Variants in AKR1C8 observed in about 807,000 individuals in gnomAD.
AKR1C8 encodes the protein aldo-keto reductase family 1 member C-like protein 1.
the AKR1C8 span, among the ~76,000 whole-genome samples, chr10:5,174,962 TTTTC>T: frequency 8.6e-5 from 13 of 151,490 alleles, no homozygotes; most frequent in Admixed American, 2.0e-4. Context: ...AAAAACAAGG[TTTTC>T]TTTATTTTGT....
chr10:5,148,007 A>G, the AKR1C8 span, among the ~76,000 whole-genome samples: 1 of 152,168 alleles, frequency 6.6e-6, no homozygotes, highest in Non-Finnish European at 1.5e-5. Context: ...CTTGTGCCAC[A>G]GAGATATCAG....
chr10:5,125,553 C>T, the AKR1C8 span, among the ~76,000 whole-genome samples: 3 of 152,184 alleles, frequency 2.0e-5, no homozygotes, highest in Non-Finnish European at 4.4e-5. Flanking sequence ...TTCATTACAG[C>T]ATCCCTGGGT....
At chr10:5,180,006 G>C in the AKR1C8 span, among the ~76,000 whole-genome samples, 1 of 152,044 alleles carries the variant, frequency 6.6e-6, no homozygotes, top group Non-Finnish European at 1.5e-5. Flanking sequence ...GCTTTGTTCC[G>C]TTGCTGGTGA....
At chr10:5,179,905 T>C in the AKR1C8 span, among the ~76,000 whole-genome samples, 2 of 152,242 alleles carry the variant, frequency 1.3e-5, no homozygotes, top group South Asian at 2.1e-4. Flanking sequence ...TTAACTTCTT[T>C]GCCTTTGTTT....
the AKR1C8 span, among the ~76,000 whole-genome samples, chr10:5,166,276 G>T: frequency 0.27 from 40,862 of 151,710 alleles, 6,498 homozygotes; most frequent in Non-Finnish European, 0.36. Context: ...TCACAGAATT[G>T]GAAAAAACTA....
At chr10:5,161,012 C>T in the AKR1C8 span, 1 of 405,292 alleles carries the variant, frequency 2.5e-6, no homozygotes, top group Non-Finnish European at 4.9e-6. Flanking sequence ...AATCTGAGTG[C>T]ACATATTTGT....
chr10:5,169,600 T>A, the AKR1C8 span, among the ~76,000 whole-genome samples: 1 of 151,920 alleles, frequency 6.6e-6, no homozygotes, highest in African/African-American at 2.4e-5. Context: ...TTTTTTTTTT[T>A]ATTGTTAGTA....
the AKR1C8 span, among the ~76,000 whole-genome samples, chr10:5,121,357 G>A: frequency 6.6e-6 from 1 of 152,280 alleles, no homozygotes; most frequent in Non-Finnish European, 1.5e-5. Flanking sequence ...AGAAACTCCA[G>A]AGGATCTTAT....
the AKR1C8 span, chr10:5,163,034 G>C: frequency 1.9e-6 from 1 of 524,900 alleles, no homozygotes; most frequent in Admixed American, 2.0e-5. Flanking sequence ...TAAGACAGGA[G>C]TAAAGAGTTG....
At chr10:5,142,444 C>T in the AKR1C8 span, among the ~76,000 whole-genome samples, 1 of 152,150 alleles carries the variant, frequency 6.6e-6, no homozygotes, top group Admixed American at 6.6e-5. Flanking sequence ...TAGCTTTCAA[C>T]CTACCTCAGC....
chr10:5,154,037 T>A, the AKR1C8 span: 1 of 310,726 alleles, frequency 3.2e-6, no homozygotes, highest in African/African-American at 2.2e-5. Flanking sequence ...GCAAGCAACC[T>A]GCAACTACAG....
At chr10:5,163,074 G>T in the AKR1C8 span, 1 of 471,826 alleles carries the variant, frequency 2.1e-6, no homozygotes, top group Non-Finnish European at 4.4e-6. Context: ...GAAAATCAAT[G>T]CATTTCCCCC....
At chr10:5,170,607 G>GT in the AKR1C8 span, among the ~76,000 whole-genome samples, 10 of 152,034 alleles carry the variant, frequency 6.6e-5, no homozygotes, top group Admixed American at 5.9e-4. Flanking sequence ...ATAACTTAGG[G>GT]TTCCTGGCCT....
chr10:5,148,652 G>A, the AKR1C8 span, among the ~76,000 whole-genome samples: 1 of 152,032 alleles, frequency 6.6e-6, no homozygotes, highest in Non-Finnish European at 1.5e-5. Context: ...AAGCAGTAGG[G>A]AAAAAATTGT....
chr10:5,161,753 C>T, the AKR1C8 span: 5 of 534,610 alleles, frequency 9.4e-6, no homozygotes, highest in Non-Finnish European at 1.9e-5. Context: ...AAATCTGCCT[C>T]TCTCAGGAAG....
chr10:5,146,114 C>T, the AKR1C8 span, among the ~76,000 whole-genome samples: 11 of 148,414 alleles, frequency 7.4e-5, no homozygotes, highest in South Asian at 2.1e-4. Context: ...AACCAAACAC[C>T]GCATATTCTC....
At chr10:5,182,116 T>C in the AKR1C8 span, among the ~76,000 whole-genome samples, 3 of 152,178 alleles carry the variant, frequency 2.0e-5, no homozygotes, top group African/African-American at 7.2e-5. Context: ...TAACATACAC[T>C]TCTGTGAACA....
chr10:5,147,514 T>C, the AKR1C8 span, among the ~76,000 whole-genome samples: 1 of 151,846 alleles, frequency 6.6e-6, no homozygotes, highest in Non-Finnish European at 1.5e-5. Flanking sequence ...AAACATTCCT[T>C]TTCCAGAAGG....
chr10:5,147,218 A>G, the AKR1C8 span, among the ~76,000 whole-genome samples: 1 of 152,136 alleles, frequency 6.6e-6, no homozygotes, highest in Non-Finnish European at 1.5e-5. Flanking sequence ...TAATGCAAGA[A>G]TTCACTCACT....
Sources: gnomAD v4.1 joint callset for allele counts (sites outside exome capture counted in the v4.1 genomes callset) on GRCh38, gnomAD v4.1.1 for gene constraint, MANE v1.5 for transcripts, NCBI Gene and HGNC (gene_info 2026-07-23, HGNC 2026-07-21) for gene names.